The following FAM110B variants were observed in gnomAD, a reference collection of about 807,000 sequenced individuals.
FAM110B encodes protein FAM110B.
Under a neutral mutation model 20.4 loss-of-function variants are expected in FAM110B, and 6 were observed. That is an observed-to-expected ratio of 0.29 (90% CI 0.16 to 0.58). The LOEUF (loss-of-function observed/expected upper bound fraction) is 0.58, where lower values mean the gene tolerates loss of function less well. Ranked by LOEUF, FAM110B falls within the 20% of genes least tolerant of loss-of-function variation. FAM110B has a pLI of 0.90. For synonymous variants in FAM110B, 226 were observed against 214.1 expected, an observed-to-expected ratio of 1.06 and a Z score of -0.49; for missense variants, 434 against 498.2, an observed-to-expected ratio of 0.87 and a Z score of 1.23.
At chr8:58,088,192 TATAA>T (rs2150601637) in intron 3 of FAM110B, among the ~76,000 whole-genome samples, 1 of 152,352 alleles carries the variant, frequency 6.6e-6, no homozygotes, top group East Asian at 1.9e-4. Context: ...ATGCTAGGAT[TATAA>T]ATATTCTACA....
intron 3 of FAM110B, among the ~76,000 whole-genome samples, chr8:58,079,396 T>A (rs1361895114): frequency 6.6e-6 from 1 of 152,254 alleles, no homozygotes; most frequent in Non-Finnish European, 1.5e-5. Flanking sequence ...GTCTCCCTCA[T>A]ACTCAGAAGG....
chr8:58,008,424 C>T (rs551852402), intron 1 of FAM110B, among the ~76,000 whole-genome samples: 4 of 152,056 alleles, frequency 2.6e-5, no homozygotes, highest in South Asian at 2.1e-4. Flanking sequence ...TGAGCCACTG[C>T]GCCTGGCTGC....
At chr8:58,031,332 C>T (rs1359770772) in intron 1 of FAM110B, 4 of 152,158 alleles carry the variant, frequency 2.6e-5, no homozygotes, top group Admixed American at 6.6e-5. Flanking sequence ...AGTGCAAAGC[C>T]GGGGTTCCCC....
chr8:58,063,336 A>G (rs978773521), intron 2 of FAM110B, among the ~76,000 whole-genome samples: 2 of 152,226 alleles, frequency 1.3e-5, no homozygotes, highest in African/African-American at 2.4e-5. Context: ...CAGGTTGACT[A>G]TCTTTGCCAT....
chr8:58,132,296 G>A (rs1377960876), intron 3 of FAM110B, among the ~76,000 whole-genome samples: 1 of 152,066 alleles, frequency 6.6e-6, no homozygotes, highest in Non-Finnish European at 1.5e-5. Flanking sequence ...CCTGTAGTAG[G>A]TACACACTCT....
chr8:58,048,002 C>G (rs927177117), intron 2 of FAM110B, among the ~76,000 whole-genome samples: 2 of 152,112 alleles, frequency 1.3e-5, no homozygotes, highest in Non-Finnish European at 2.9e-5. Context: ...TGATTTACAT[C>G]TGAAGGTTAT....
chr8:58,097,444 T>C (rs1806661200), intron 3 of FAM110B, among the ~76,000 whole-genome samples: 1 of 152,242 alleles, frequency 6.6e-6, no homozygotes, highest in Non-Finnish European at 1.5e-5. Context: ...TCAATTCAGC[T>C]AACCTTTTTT....
In FAM110B at chr8:58,147,623, C is replaced by CATGAAAATA. The variant is rs1803898579; in HGVS notation, c.*280_*281insATGAAAATA. 2.4e-6 allele frequency: 1 copy of CATGAAAATA among 421,596 alleles called. No individual in the cohort carries two copies. The highest frequency in any genetic ancestry group is 4.3e-5 in the East Asian group (1 of 23,476). 26.1% of individuals were successfully genotyped at this position (421,596 alleles called of 1,614,324 possible). Reference sequence around the variant, plus strand: ...CTGTTTACATGAAAATGGTATACAACTTCTTCGATATTTATGTGGTTCTTG... The same window carrying CATGAAAATA: ...CTGTTTACATGAAAATGGTATACAACATGAAAATATTCTTCGATATTTATGTGGTTCTTG... On this transcript the variant is annotated 3_prime_UTR_variant, in exon 4 of 4. Coordinates refer to ENST00000519262, the MANE Select transcript of FAM110B (RefSeq NM_001377989.1).
chr8:58,137,950 C>G (rs1329880563), intron 3 of FAM110B, among the ~76,000 whole-genome samples: 1 of 152,232 alleles, frequency 6.6e-6, no homozygotes, highest in African/African-American at 2.4e-5. Flanking sequence ...TCTCTTCTCC[C>G]AGCTCAGGGC....
At chr8:58,141,868 G>A (rs1204476499) in intron 3 of FAM110B, among the ~76,000 whole-genome samples, 1 of 152,238 alleles carries the variant, frequency 6.6e-6, no homozygotes. Flanking sequence ...CCTGGCCTCA[G>A]AGGCTTTGAG....
At chr8:58,045,245 G>C (rs560114323) in intron 2 of FAM110B, among the ~76,000 whole-genome samples, 1 of 152,078 alleles carries the variant, frequency 6.6e-6, no homozygotes, top group Admixed American at 6.5e-5. Flanking sequence ...CAGTCATCAG[G>C]GCTGTGGCAG....
chr8:58,048,739 T>C (rs1333801450), intron 2 of FAM110B, among the ~76,000 whole-genome samples: 1 of 152,254 alleles, frequency 6.6e-6, no homozygotes, highest in Non-Finnish European at 1.5e-5. Flanking sequence ...ATTCATTATG[T>C]GCCTGTTATT....
chr8:58,059,582 T>G (rs978289923), intron 2 of FAM110B, among the ~76,000 whole-genome samples: 1 of 152,066 alleles, frequency 6.6e-6, no homozygotes, highest in African/African-American at 2.4e-5. Context: ...TTTTGCCCCC[T>G]TTTTAAGTTG....
intron 2 of FAM110B, among the ~76,000 whole-genome samples, chr8:58,066,644 CAGA>C (rs1285684911): frequency 6.6e-6 from 1 of 152,170 alleles, no homozygotes; most frequent in Non-Finnish European, 1.5e-5. Flanking sequence ...CCCTGGTAGC[CAGA>C]AGGAGACTTT....
intron 3 of FAM110B, among the ~76,000 whole-genome samples, chr8:58,076,807 G>A (rs1467259272): frequency 6.6e-6 from 1 of 152,142 alleles, no homozygotes; most frequent in African/African-American, 2.4e-5. Context: ...ATTCTGAGTG[G>A]CCCCATGCTT....
At chr8:58,027,082 C>T (rs747317810) in intron 1 of FAM110B, among the ~76,000 whole-genome samples, 2 of 152,122 alleles carry the variant, frequency 1.3e-5, no homozygotes, top group East Asian at 3.9e-4. Context: ...CTACATCTTC[C>T]CTCTCCTGTA....
At chr8:58,004,570 C>T (rs192887480) in intron 1 of FAM110B, among the ~76,000 whole-genome samples, 1 of 152,318 alleles carries the variant, frequency 6.6e-6, no homozygotes, top group East Asian at 1.9e-4. Context: ...CATGGCGAAA[C>T]CCTGTCTCTA....
At chr8:58,127,691 A>T (rs777111968) in intron 3 of FAM110B, among the ~76,000 whole-genome samples, 8 of 152,240 alleles carry the variant, frequency 5.3e-5, no homozygotes. Flanking sequence ...TGTTAAAAAT[A>T]CTATACCATT....
chr8:58,105,270 A>G (rs746526614), intron 3 of FAM110B, among the ~76,000 whole-genome samples: 2 of 152,172 alleles, frequency 1.3e-5, no homozygotes, highest in Non-Finnish European at 2.9e-5. Context: ...CTTGGCAAAC[A>G]AGTTAATTAA....
Sources: allele counts gnomAD v4.1 joint callset (sites outside exome capture counted in the v4.1 genomes callset), GRCh38; gene constraint gnomAD v4.1.1; transcripts MANE v1.5; gene names NCBI Gene and HGNC (gene_info 2026-07-23, HGNC 2026-07-21).